The following ST18 variants were observed in gnomAD, a reference collection of about 807,000 sequenced individuals.
The protein encoded by ST18 is suppression of tumorigenicity 18 protein.
ST18 carries 50 observed loss-of-function variants against 110.0 expected under a neutral mutation model. That is an observed-to-expected ratio of 0.45 (90% CI 0.36 to 0.58). The LOEUF (loss-of-function observed/expected upper bound fraction) is 0.58. Among genes scored for constraint, ST18 ranks in the 20% least tolerant of loss-of-function variants. The pLI, the probability that ST18 is intolerant of heterozygous loss-of-function variation, is 0.00. For missense variants in ST18, 1,306 were observed against 1,280.1 expected (o/e 1.02, Z -0.31); for synonymous variants, 461 against 452.4 (o/e 1.02, Z -0.24).
intron 2 of ST18, among the ~76,000 whole-genome samples, chr8:52,233,734 C>T (rs1044986617): frequency 3.3e-5 from 5 of 152,200 alleles, no homozygotes; most frequent in Non-Finnish European, 7.3e-5. Context: ...AGCCAATTGG[C>T]TTCTCTCTAG....
At chr8:52,234,291 G>A (rs1386039375) in intron 2 of ST18, among the ~76,000 whole-genome samples, 1 of 151,822 alleles carries the variant, frequency 6.6e-6, no homozygotes, top group African/African-American at 2.4e-5. Flanking sequence ...TTGAGACAGA[G>A]TCTCACTCTG....
chr8:52,288,710 A>AT (rs1564420980), intron 2 of ST18, among the ~76,000 whole-genome samples: 1 of 152,062 alleles, frequency 6.6e-6, no homozygotes, highest in African/African-American at 2.4e-5. Flanking sequence ...TAAAAAAAAA[A>AT]AAATAAAAGG....
At chr8:52,259,600 G>A (rs1419218121) in intron 2 of ST18, among the ~76,000 whole-genome samples, 2 of 151,102 alleles carry the variant, frequency 1.3e-5, no homozygotes, top group East Asian at 1.9e-4. Context: ...TGATGATAAC[G>A]ATTATATTAG....
At chr8:52,133,396 A>T (rs2050575352) in intron 19 of ST18, 95 bp from the exon 20 acceptor site, 1 of 1,438,238 alleles carries the variant, frequency 7.0e-7, no homozygotes, top group Non-Finnish European at 9.7e-7. Context: ...TAATCACATT[A>T]ATGTTCCAAG....
chr8:52,248,505 T>C, intron 2 of ST18: 1 of 152,188 alleles, frequency 6.6e-6, no homozygotes, highest in East Asian at 1.9e-4. Context: ...AATATCATCC[T>C]CTCTTGAACT....
intron 2 of ST18, among the ~76,000 whole-genome samples, chr8:52,240,386 A>C (rs1277636561): frequency 6.6e-6 from 1 of 152,122 alleles, no homozygotes; most frequent in African/African-American, 2.4e-5. Context: ...TTATACAGAA[A>C]ATTTTGAGAC....
chr8:52,270,628 C>T (rs1028620715), intron 2 of ST18, among the ~76,000 whole-genome samples: 3 of 152,020 alleles, frequency 2.0e-5, no homozygotes, highest in African/African-American at 7.2e-5. Flanking sequence ...ACAATGTATC[C>T]ATATAACAAA....
At chr8:52,235,546 TAGGAGA>T (rs1246152349) in intron 2 of ST18, among the ~76,000 whole-genome samples, 1 of 152,242 alleles carries the variant, frequency 6.6e-6, no homozygotes, top group African/African-American at 2.4e-5. Context: ...ATTTGAATTT[TAGGAGA>T]ACAATGGACC....
chr8:52,340,578 A>G (rs375764880), intron 2 of ST18, among the ~76,000 whole-genome samples: 9 of 152,224 alleles, frequency 5.9e-5, no homozygotes, highest in Admixed American at 2.0e-4. Flanking sequence ...GTATGATTTC[A>G]TTTGTACCTC....
At chr8:52,160,911 C>T (rs1346914574) in intron 14 of ST18, among the ~76,000 whole-genome samples, 3 of 152,188 alleles carry the variant, frequency 2.0e-5, no homozygotes, top group Admixed American at 6.5e-5. Flanking sequence ...AGACTTCTCA[C>T]CTTCCCTTCC....
chr8:52,138,802 T>C (rs2053598976), intron 17 of ST18, among the ~76,000 whole-genome samples: 1 of 152,208 alleles, frequency 6.6e-6, no homozygotes, highest in Admixed American at 6.5e-5. Context: ...ACGCATCTGA[T>C]CTTTTTTTGA....
intron 2 of ST18, among the ~76,000 whole-genome samples, chr8:52,292,863 C>T (rs1261155298): frequency 2.0e-5 from 3 of 152,182 alleles, no homozygotes; most frequent in Non-Finnish European, 4.4e-5. Context: ...TCGGTCTCCT[C>T]CCTTCCAATA....
chr8:52,329,093 G>A (rs1374163714), intron 2 of ST18, among the ~76,000 whole-genome samples: 1 of 152,048 alleles, frequency 6.6e-6, no homozygotes, highest in Non-Finnish European at 1.5e-5. Context: ...ATATTCCAAT[G>A]ACTAAAAAAC....
At position 52,357,240 on chromosome 8, in the gene ST18, C is replaced by T. The variant is rs192283794; in HGVS notation, c.-465+52088G>A. ...CAAGCAATGTAATTACACTCTTGTA[C>T]ACAAAAGAAAGCATTAAGAATTGAG... On this transcript the variant is annotated intron_variant, in intron 2 of 25. Coordinates refer to ENST00000689386, the MANE Select transcript of ST18 (RefSeq NM_001352837.2). 7.2e-5 allele frequency among the ~76,000 whole-genome samples: 11 copies of T among 151,972 alleles called. No individual in the cohort carries two copies. In the East Asian group the frequency reaches 1.9e-3, roughly 27 times the overall value.
intron 2 of ST18, among the ~76,000 whole-genome samples, chr8:52,236,515 G>A (rs2092697399): frequency 1.3e-5 from 2 of 151,560 alleles, no homozygotes; most frequent in African/African-American, 4.8e-5. Context: ...GGAGGCTGAG[G>A]CAGGAGAATC....
intron 2 of ST18, among the ~76,000 whole-genome samples, chr8:52,271,275 C>T (rs1012520870): frequency 2.0e-5 from 3 of 152,200 alleles, no homozygotes; most frequent in African/African-American, 7.2e-5. Context: ...GTTTGATACT[C>T]TCTTCCAGAT....
intron 2 of ST18, among the ~76,000 whole-genome samples, chr8:52,311,218 G>T (rs556870977): frequency 2.0e-5 from 3 of 152,170 alleles, no homozygotes; most frequent in African/African-American, 7.2e-5. Flanking sequence ...ACATTCCTGC[G>T]GGGCTCAGCA....
intron 2 of ST18, chr8:52,404,526 G>C (rs1843784138): frequency 6.6e-6 from 1 of 152,244 alleles, no homozygotes; most frequent in Non-Finnish European, 1.5e-5. Flanking sequence ...AGGAGGAAAA[G>C]AAGGCTGAAC....
At chr8:52,277,901 T>C (rs1328636399) in intron 2 of ST18, among the ~76,000 whole-genome samples, 1 of 152,186 alleles carries the variant, frequency 6.6e-6, no homozygotes, top group African/African-American at 2.4e-5. Flanking sequence ...CACACAGAAT[T>C]GATAGCAATT....
Sources: allele counts gnomAD v4.1 joint callset (sites outside exome capture counted in the v4.1 genomes callset), GRCh38; gene constraint gnomAD v4.1.1; transcripts MANE v1.5; gene names NCBI Gene and HGNC (gene_info 2026-07-23, HGNC 2026-07-21).